CADM2: variants seen among roughly 807,000 people sequenced by gnomAD.
CADM2 encodes the protein cell adhesion molecule 2, also known as immunoglobulin superfamily member 4D.
Under a neutral mutation model 49.8 loss-of-function variants are expected in CADM2, and 12 were observed. The observed-to-expected ratio is 0.24, with a 90% CI of 0.15 to 0.39. The LOEUF is 0.39. CADM2 is among the 10% of genes least tolerant of loss of function. The pLI is 1.00. For missense variants in CADM2, 378 were observed against 492.3 expected, an observed-to-expected ratio of 0.77 and a Z score of 2.20; for synonymous variants, 214 against 175.4, an observed-to-expected ratio of 1.22 and a Z score of -1.74.
At chr3:85,544,426 A>C (rs541255830) in intron 1 of CADM2, among the ~76,000 whole-genome samples, 70 of 151,896 alleles carry the variant, frequency 4.6e-4, no homozygotes, top group African/African-American at 1.6e-3. Flanking sequence ...AAAATACAAA[A>C]ATTAGCCCGG....
At chr3:85,193,318 T>C (rs1212630665) in intron 1 of CADM2, among the ~76,000 whole-genome samples, 1 of 151,804 alleles carries the variant, frequency 6.6e-6, no homozygotes, top group East Asian at 1.9e-4. Flanking sequence ...TGATAGACTT[T>C]AAGGAGTCTA....
At chr3:85,311,123 G>C (rs964471289) in intron 1 of CADM2, among the ~76,000 whole-genome samples, 4 of 151,498 alleles carry the variant, frequency 2.6e-5, no homozygotes, top group African/African-American at 4.9e-5. Context: ...CTCATAATTC[G>C]GCATATATGT....
Position 85,359,666 on chromosome 3 carries a change from A to ATATATATATTTTTTTT in CADM2, c.62-366855_62-366854insATATATATTTTTTTTT. On this transcript the variant is annotated intron_variant, in intron 1 of 9. Coordinates refer to ENST00000383699, the MANE Select transcript of CADM2 (RefSeq NM_001167675.2). ...TATATATATATATATATATATATAT[A>ATATATATATTTTTTTT]TTTTTTTTTTTGGTGGAGGGGAGAA... 1.1e-3 allele frequency among the ~76,000 whole-genome samples: 28 copies of ATATATATATTTTTTTT among 26,552 alleles called. 1 individual carries two copies. Among genetic ancestry groups the ATATATATATTTTTTTT allele is most frequent in the East Asian group, 4.0e-3 (3 of 754 alleles). The allele number at this position is 26,552 out of a possible 152,430, so 17.4% of individuals were successfully genotyped here. A position where few individuals can be genotyped will look rare whatever the true frequency, so the allele number is the denominator to read the frequency against.
At chr3:85,134,156 T>A (rs1327171199) in intron 1 of CADM2, among the ~76,000 whole-genome samples, 1 of 152,178 alleles carries the variant, frequency 6.6e-6, no homozygotes, top group Non-Finnish European at 1.5e-5. Flanking sequence ...CTGCTCTGAG[T>A]GCGGGGTCCG....
At chr3:85,920,332 T>C (rs1354205630) in intron 6 of CADM2, among the ~76,000 whole-genome samples, 2 of 151,828 alleles carry the variant, frequency 1.3e-5, no homozygotes, top group East Asian at 3.8e-4. Flanking sequence ...AAAATTATAT[T>C]TGGGTTACAT....
At chr3:85,537,756 GA>G (rs372770917) in intron 1 of CADM2, among the ~76,000 whole-genome samples, 13 of 149,390 alleles carry the variant, frequency 8.7e-5, no homozygotes, top group East Asian at 2.0e-4. Context: ...GATTCTGTGG[GA>G]AAAAAAAATG....
intron 1 of CADM2, among the ~76,000 whole-genome samples, chr3:84,991,450 C>G (rs2032879512): frequency 6.6e-6 from 1 of 152,108 alleles, no homozygotes; most frequent in Non-Finnish European, 1.5e-5. Flanking sequence ...CTATTATGCT[C>G]TCTACTATAT....
chr3:85,044,523 A>G (rs1337193523), intron 1 of CADM2, among the ~76,000 whole-genome samples: 3 of 152,172 alleles, frequency 2.0e-5, no homozygotes, highest in Non-Finnish European at 4.4e-5. Flanking sequence ...TGGTGTACCA[A>G]CTTTGTAAAA....
At chr3:85,959,420 T>C (rs1278908357) in intron 7 of CADM2, among the ~76,000 whole-genome samples, 2 of 151,898 alleles carry the variant, frequency 1.3e-5, no homozygotes, top group African/African-American at 2.4e-5. Context: ...CTCAGCTCCC[T>C]GGAGGTTGAA....
At chr3:85,750,606 T>C (rs1559631604) in intron 2 of CADM2, among the ~76,000 whole-genome samples, 2 of 152,132 alleles carry the variant, frequency 1.3e-5, no homozygotes, top group African/African-American at 4.8e-5. Flanking sequence ...AATATTTTAT[T>C]ATTTCCCTTT....
intron 1 of CADM2, among the ~76,000 whole-genome samples, chr3:85,073,361 T>TC (rs2036826985): frequency 6.6e-6 from 1 of 152,254 alleles, no homozygotes; most frequent in Non-Finnish European, 1.5e-5. Context: ...AAAGTACACT[T>TC]CTCTAAGTAA....
intron 1 of CADM2, among the ~76,000 whole-genome samples, chr3:85,420,413 G>C (rs2036116154): frequency 6.6e-6 from 1 of 152,142 alleles, no homozygotes; most frequent in Non-Finnish European, 1.5e-5. Flanking sequence ...TGACAAATGG[G>C]ACATAGGTAA....
At chr3:85,077,692 C>T (rs2037000753) in intron 1 of CADM2, among the ~76,000 whole-genome samples, 1 of 152,018 alleles carries the variant, frequency 6.6e-6, no homozygotes, top group Non-Finnish European at 1.5e-5. Context: ...GCTTAAAATA[C>T]ATTCTCGAAA....
intron 1 of CADM2, among the ~76,000 whole-genome samples, chr3:85,289,714 A>T (rs188939296): frequency 3.7e-4 from 57 of 152,244 alleles, no homozygotes; most frequent in African/African-American, 9.4e-4. Context: ...AAAATTTATT[A>T]AAAAAATTGC....
chr3:85,207,455 C>A lies in CADM2; in HGVS notation c.61+247787C>A, dbSNP rs568799260. Reference sequence around the variant, plus strand: ...TATATTTTGCATATATATTTATAATCTCTTCATATTCTTCTCATGTCTTTC... The same window carrying A: ...TATATTTTGCATATATATTTATAATATCTTCATATTCTTCTCATGTCTTTC... On this transcript the variant is annotated intron_variant, in intron 1 of 9. Transcript: ENST00000383699. 3.3e-5 allele frequency among the ~76,000 whole-genome samples: 5 copies of A among 152,244 alleles called. No individual in the cohort carries two copies. The East Asian group carries it at 7.7e-4, about 24-fold the overall frequency.
intron 1 of CADM2, among the ~76,000 whole-genome samples, chr3:85,444,196 G>C (rs761864751): frequency 1.3e-5 from 2 of 152,004 alleles, no homozygotes; most frequent in Non-Finnish European, 2.9e-5. Flanking sequence ...TTCCGAAAAA[G>C]CTGCGTTTTT....
intron 3 of CADM2, among the ~76,000 whole-genome samples, chr3:85,811,012 T>C (rs1335537571): frequency 1.3e-5 from 2 of 152,220 alleles, no homozygotes; most frequent in Non-Finnish European, 2.9e-5. Context: ...ATATATGCTA[T>C]AAATTTTGGC....
chr3:85,458,520 G>T (rs2038098201), intron 1 of CADM2, among the ~76,000 whole-genome samples: 1 of 152,138 alleles, frequency 6.6e-6, no homozygotes, highest in African/African-American at 2.4e-5. Context: ...AATTAGAAAA[G>T]GTCATATTGA....
intron 1 of CADM2, among the ~76,000 whole-genome samples, chr3:85,398,470 G>A (rs2034910375): frequency 6.6e-6 from 1 of 152,154 alleles, no homozygotes; most frequent in Non-Finnish European, 1.5e-5. Context: ...AAACATACAT[G>A]TGCATGTGTC....
Sources: gnomAD v4.1 joint callset for allele counts (sites outside exome capture counted in the v4.1 genomes callset) on GRCh38, gnomAD v4.1.1 for gene constraint, MANE v1.5 for transcripts, NCBI Gene and HGNC (gene_info 2026-07-23, HGNC 2026-07-21) for gene names.